The following FRMD4A variants were observed in gnomAD, a reference collection of about 807,000 sequenced individuals.
The protein encoded by FRMD4A is FERM domain containing 4A.
Under a neutral mutation model 129.1 loss-of-function variants are expected in FRMD4A, and 29 were observed. The ratio of observed to expected loss-of-function variants is 0.22; its 90% CI spans 0.17 to 0.31. FRMD4A has a LOEUF of 0.31. FRMD4A is among the 10% of genes least tolerant of loss of function. The pLI is 1.00. For synonymous variants in FRMD4A, 634 were observed against 571.6 expected (o/e 1.11, Z -1.56); for missense variants, 1,272 against 1,375.8 (o/e 0.92, Z 1.19).
chr10:13,784,774 G>T (rs2092814076), intron 5 of FRMD4A, among the ~76,000 whole-genome samples: 1 of 152,142 alleles, frequency 6.6e-6, no homozygotes, highest in Non-Finnish European at 1.5e-5. Context: ...GGAATCACCT[G>T]AGGTCAGGAG....
At chr10:14,100,177 G>T (rs929635533) in intron 2 of FRMD4A, among the ~76,000 whole-genome samples, 2 of 152,088 alleles carry the variant, frequency 1.3e-5, no homozygotes, top group Non-Finnish European at 2.9e-5. Context: ...CCAGTGTCTC[G>T]ATTCACCTGA....
chr10:13,951,701 C>T (rs185619320), intron 2 of FRMD4A, among the ~76,000 whole-genome samples: 1,878 of 151,774 alleles, frequency 0.012, 40 homozygotes, highest in African/African-American at 0.043. Context: ...ACGAGCCTGG[C>T]CAACATGGTG....
At chr10:13,786,757 C>G (rs2092875855) in intron 5 of FRMD4A, among the ~76,000 whole-genome samples, 1 of 152,060 alleles carries the variant, frequency 6.6e-6, no homozygotes, top group Non-Finnish European at 1.5e-5. Context: ...ATCCTAACAC[C>G]AGAATATTAA....
intron 12 of FRMD4A, among the ~76,000 whole-genome samples, chr10:13,733,618 G>A (rs1262026332): frequency 6.6e-6 from 1 of 152,214 alleles, no homozygotes; most frequent in Non-Finnish European, 1.5e-5. Flanking sequence ...AGTAGAGATG[G>A]GGTTTCACCA....
At chr10:13,788,190 CAT>C (rs775214375) in intron 5 of FRMD4A, among the ~76,000 whole-genome samples, 192 of 152,296 alleles carry the variant, frequency 1.3e-3, no homozygotes, top group Non-Finnish European at 2.1e-3. Context: ...AAGACTTCCA[CAT>C]GTCACCATGG....
intron 2 of FRMD4A, among the ~76,000 whole-genome samples, chr10:14,240,643 CATT>C (rs1844008925): frequency 6.6e-6 from 1 of 152,236 alleles, no homozygotes; most frequent in African/African-American, 2.4e-5. Flanking sequence ...AACGTTTAAC[CATT>C]ATTATTAAAT....
intron 2 of FRMD4A, among the ~76,000 whole-genome samples, chr10:14,021,776 C>T (rs1832768063): frequency 6.6e-6 from 1 of 151,966 alleles, no homozygotes; most frequent in Non-Finnish European, 1.5e-5. Context: ...GTTTTATGGA[C>T]TTTTGTGCAC....
At chr10:14,237,111 A>G (rs1474500417) in intron 2 of FRMD4A, among the ~76,000 whole-genome samples, 1 of 151,190 alleles carries the variant, frequency 6.6e-6, no homozygotes, top group Non-Finnish European at 1.5e-5. Flanking sequence ...GGCCTTAAGC[A>G]GAGGTGAATT....
intron 2 of FRMD4A, among the ~76,000 whole-genome samples, chr10:14,224,099 G>C (rs774784952): frequency 2.0e-5 from 3 of 152,206 alleles, no homozygotes; most frequent in Non-Finnish European, 4.4e-5. Flanking sequence ...GGACGGGGCT[G>C]CTTTGCCCCA....
intron 2 of FRMD4A, chr10:13,890,507 C>A (rs1235678897): frequency 4.1e-6 from 4 of 974,404 alleles, no homozygotes; most frequent in Non-Finnish European, 4.9e-6. Context: ...GGGGTACCAG[C>A]AGCTGAACCC....
chr10:13,935,254 A>G (rs931556127), intron 2 of FRMD4A, among the ~76,000 whole-genome samples: 5 of 152,084 alleles, frequency 3.3e-5, no homozygotes, highest in Admixed American at 6.5e-5. Flanking sequence ...CCTGGCCAAC[A>G]TAATGAAACC....
chr10:14,071,283 T>C (rs12412932), intron 2 of FRMD4A, among the ~76,000 whole-genome samples: 10,981 of 152,234 alleles, frequency 0.072, 501 homozygotes, highest in East Asian at 0.21. Context: ...GAGACCAAGA[T>C]TAAATCAGGC....
intron 2 of FRMD4A, among the ~76,000 whole-genome samples, chr10:13,875,815 T>C (rs1458908781): frequency 6.6e-6 from 1 of 152,180 alleles, no homozygotes; most frequent in Non-Finnish European, 1.5e-5. Flanking sequence ...CCATACCAGA[T>C]ACTTGTGAGG....
chr10:13,879,726 TCTCCCTC>T (rs2094525964), intron 2 of FRMD4A, among the ~76,000 whole-genome samples: 1 of 136,400 alleles, frequency 7.3e-6, no homozygotes, highest in Admixed American at 7.4e-5. Flanking sequence ...CCTTCTCCCT[TCTCCCTC>T]CTCCTCTCCC....
intron 2 of FRMD4A, among the ~76,000 whole-genome samples, chr10:13,949,511 C>T (rs1013012905): frequency 1.3e-5 from 2 of 152,152 alleles, no homozygotes; most frequent in African/African-American, 4.8e-5. Context: ...GTCTTAAAAA[C>T]TCACATCTAG....
intron 2 of FRMD4A, among the ~76,000 whole-genome samples, chr10:14,101,110 T>A (rs1837278129): frequency 1.3e-5 from 2 of 152,232 alleles, no homozygotes; most frequent in Non-Finnish European, 2.9e-5. Flanking sequence ...ATTATATGTT[T>A]TACCTTTTAA....
intron 2 of FRMD4A, among the ~76,000 whole-genome samples, chr10:14,042,179 G>C (rs1265470099): frequency 6.6e-6 from 1 of 152,198 alleles, no homozygotes; most frequent in Non-Finnish European, 1.5e-5. Context: ...CCACCATGTA[G>C]CCTAAATATT....
At chr10:14,067,323 A>C (rs985779251) in intron 2 of FRMD4A, among the ~76,000 whole-genome samples, 1 of 152,110 alleles carries the variant, frequency 6.6e-6, no homozygotes, top group Non-Finnish European at 1.5e-5. Flanking sequence ...CTCTCAAAAA[A>C]AAATTAGTAT....
chr10:14,270,185 T>A (rs1416861969), intron 2 of FRMD4A, among the ~76,000 whole-genome samples: 1 of 152,330 alleles, frequency 6.6e-6, no homozygotes, highest in African/African-American at 2.4e-5. Context: ...GACTGAGTTA[T>A]GTTATGGGTT....
Sources: gnomAD v4.1 joint callset for allele counts (sites outside exome capture counted in the v4.1 genomes callset) on GRCh38, gnomAD v4.1.1 for gene constraint, MANE v1.5 for transcripts, NCBI Gene and HGNC (gene_info 2026-07-23, HGNC 2026-07-21) for gene names.